Variants in TGFBR3 observed in about 807,000 individuals in gnomAD.
The protein encoded by TGFBR3 is transforming growth factor beta receptor 3.
TGFBR3 carries 46 observed loss-of-function variants against 87.9 expected under a neutral mutation model. That is an observed-to-expected ratio of 0.52 (90% CI 0.41 to 0.67). TGFBR3 has a LOEUF of 0.67. Among genes scored for constraint, TGFBR3 ranks in the 30% least tolerant of loss-of-function variants. The pLI, the probability that TGFBR3 is intolerant of heterozygous loss-of-function variation, is 0.00. For missense variants in TGFBR3, 866 were observed against 1,041.9 expected (o/e 0.83, Z 2.32); for synonymous variants, 381 against 391.6 (o/e 0.97, Z 0.32).
At chr1:91,896,920 CT>C (rs11390038) in intron 2 of TGFBR3, among the ~76,000 whole-genome samples, 10 of 142,816 alleles carry the variant, frequency 7.0e-5, no homozygotes, top group Admixed American at 7.0e-5. Flanking sequence ...TTTTTCTTTT[CT>C]TTTTTTTTTT....
chr1:91,713,129 C>T (rs937650082), intron 12 of TGFBR3, among the ~76,000 whole-genome samples: 1 of 152,226 alleles, frequency 6.6e-6, no homozygotes, highest in African/African-American at 2.4e-5. Flanking sequence ...TGGAGGCCAT[C>T]ATGGGCCTGG....
Position 91,861,479 on chromosome 1 carries a change from G to T in TGFBR3, c.53C>A (p.Ala18Asp), listed in dbSNP as rs1571582262. 6.2e-7 allele frequency: 1 copy of T among 1,611,922 alleles called. No individual in the cohort carries two copies. The highest frequency in any genetic ancestry group is 1.1e-5 in the South Asian group (1 of 91,024). ...TATATTATGCAACTTACCTGCAGTG[G>T]CTAAACAGGAGCTCATCAGGGCAAA... ...AIFALMSSCL[A>D]TAGPEPGALC... The change falls in exon 2 of 17, where the codon GCC (alanine) becomes GAC (aspartate). Residue 18 changes from alanine (A) to aspartate (D), a missense_variant. By Grantham distance (126) the Ala-to-Asp change is moderately radical. Coordinates refer to ENST00000212355, the MANE Select transcript of TGFBR3 (RefSeq NM_003243.5).
chr1:91,872,223 C>T (rs1678608585), intron 1 of TGFBR3, among the ~76,000 whole-genome samples: 1 of 152,138 alleles, frequency 6.6e-6, no homozygotes, highest in Non-Finnish European at 1.5e-5. Flanking sequence ...TACACTAATA[C>T]AAATTATGTA....
intron 1 of TGFBR3, among the ~76,000 whole-genome samples, chr1:91,879,823 G>GACT (rs1188789498): frequency 6.6e-6 from 1 of 152,044 alleles, no homozygotes; most frequent in Non-Finnish European, 1.5e-5. Flanking sequence ...AAGAAATCTA[G>GACT]AAATTTTATA....
intron 1 of TGFBR3, among the ~76,000 whole-genome samples, chr1:91,883,538 G>A (rs1461628838): frequency 6.6e-6 from 1 of 152,014 alleles, no homozygotes; most frequent in African/African-American, 2.4e-5. Flanking sequence ...CTCTAAAAAC[G>A]GGTTTATGCG....
intron 2 of TGFBR3, among the ~76,000 whole-genome samples, chr1:91,820,490 T>C (rs1676405015): frequency 6.6e-6 from 1 of 152,094 alleles, no homozygotes; most frequent in African/African-American, 2.4e-5. Context: ...GAGACCATCC[T>C]GGCTAACACG....
Position 91,704,340 on chromosome 1 carries a change from A to G in TGFBR3, c.2287+4323T>C, listed in dbSNP as rs12568611. Among the ~76,000 whole-genome samples, 15 of 150,552 alleles carry G rather than the reference A, an allele frequency of 1.0e-4. No individual in the cohort carries two copies. The South Asian group carries it at 1.0e-3, about 10-fold the overall frequency. Reference sequence around the variant, plus strand: ...GAGACTTTGTCTCAAAAAAAAAAAAAAAAGAAAGAAAGAAAGAAAGAAAAG... The same window carrying G: ...GAGACTTTGTCTCAAAAAAAAAAAAGAAAGAAAGAAAGAAAGAAAGAAAAG... On this transcript the variant is annotated intron_variant, in intron 14 of 16. Transcript: ENST00000212355.
intron 15 of TGFBR3, among the ~76,000 whole-genome samples, chr1:91,696,275 A>C (rs1571414875): frequency 6.6e-6 from 1 of 152,366 alleles, no homozygotes; most frequent in East Asian, 1.9e-4. Context: ...AACATTTACA[A>C]GTATGAAAGA....
At chr1:91,692,476 A>G (rs1671298892) in intron 16 of TGFBR3, among the ~76,000 whole-genome samples, 1 of 152,220 alleles carries the variant, frequency 6.6e-6, no homozygotes. Flanking sequence ...AAGTTTTACT[A>G]GAAAATAAAA....
In TGFBR3 at chr1:91,794,391, AG is replaced by A. The variant is rs746838932; in HGVS notation, c.246+2895del. On this transcript the variant is annotated intron_variant, in intron 3 of 16. Coordinates refer to ENST00000212355, the MANE Select transcript of TGFBR3 (RefSeq NM_003243.5). ...CTAATTTTTGTATTTTTAGTAGAGA[AG>A]GGGTTTCACCATGTTGGCTAGGCTA... Among the ~76,000 whole-genome samples the A allele has an allele frequency of 7.9e-5, 12 of 152,084 alleles. No homozygotes were observed. In the East Asian group the frequency reaches 1.7e-3, roughly 22 times the overall value.
chr1:91,688,781 G>GAA (rs1671178468), intron 16 of TGFBR3, among the ~76,000 whole-genome samples: 3 of 152,058 alleles, frequency 2.0e-5, no homozygotes, highest in Admixed American at 2.0e-4. Context: ...TCAGGTAAGA[G>GAA]GTTTTCATTA....
intron 1 of TGFBR3, among the ~76,000 whole-genome samples, chr1:91,874,166 C>A (rs912007351): frequency 6.6e-6 from 1 of 152,022 alleles, no homozygotes; most frequent in Admixed American, 6.6e-5. Context: ...GCTAAGAAAA[C>A]AAAGCAGAAA....
chr1:91,686,863 A>G (rs1396293437), intron 16 of TGFBR3, among the ~76,000 whole-genome samples: 1 of 152,226 alleles, frequency 6.6e-6, no homozygotes, highest in African/African-American at 2.4e-5. Flanking sequence ...CTCGTGGCTA[A>G]GCAGACTAGG....
At chr1:91,731,371 G>T (rs1354087694) in intron 5 of TGFBR3, among the ~76,000 whole-genome samples, 1 of 152,128 alleles carries the variant, frequency 6.6e-6, no homozygotes, top group Non-Finnish European at 1.5e-5. Flanking sequence ...CAGAACAAAG[G>T]GGACCAAAGC....
At chr1:91,865,202 C>CAA (rs67134125) in intron 1 of TGFBR3, among the ~76,000 whole-genome samples, 30 of 105,216 alleles carry the variant, frequency 2.9e-4, no homozygotes, top group African/African-American at 1.0e-3. Flanking sequence ...GACTCCATCT[C>CAA]AAAAAAAAAA....
chr1:91,745,059 A>G (rs1020568100), intron 4 of TGFBR3, among the ~76,000 whole-genome samples: 1 of 152,116 alleles, frequency 6.6e-6, no homozygotes, highest in Non-Finnish European at 1.5e-5. Context: ...GCTGTGGTCC[A>G]TTTGGAACTT....
chr1:91,760,897 C>T (rs1401725214), intron 3 of TGFBR3, among the ~76,000 whole-genome samples: 1 of 152,166 alleles, frequency 6.6e-6, no homozygotes, highest in African/African-American at 2.4e-5. Flanking sequence ...CACACACACA[C>T]TATGGAGAAT....
intron 3 of TGFBR3, among the ~76,000 whole-genome samples, chr1:91,767,977 C>T (rs1674238423): frequency 6.6e-6 from 1 of 151,910 alleles, no homozygotes; most frequent in Non-Finnish European, 1.5e-5. Context: ...CTTTGGGAGG[C>T]CAAGGCAGGA....
chr1:91,742,108 G>A (rs1673179907), intron 4 of TGFBR3, among the ~76,000 whole-genome samples: 3 of 152,056 alleles, frequency 2.0e-5, no homozygotes, highest in Admixed American at 2.0e-4. Flanking sequence ...TTGCTCCCAT[G>A]GCAAACCGTT....
Sources: allele counts gnomAD v4.1 joint callset (sites outside exome capture counted in the v4.1 genomes callset), GRCh38; gene constraint gnomAD v4.1.1; transcripts MANE v1.5; gene names NCBI Gene and HGNC (gene_info 2026-07-23, HGNC 2026-07-21).